TRAPPC9: variants seen among roughly 807,000 people sequenced by gnomAD.
TRAPPC9 encodes IKK2 binding protein.
Under a neutral mutation model 124.0 loss-of-function variants are expected in TRAPPC9, and 83 were observed. The ratio of observed to expected loss-of-function variants is 0.67; its 90% CI spans 0.56 to 0.80. The LOEUF is 0.80. Ranked by LOEUF, TRAPPC9 falls within the 30% of genes least tolerant of loss-of-function variation. The probability of loss-of-function intolerance (pLI) is 0.00; values close to 1 mark genes in which losing one functional copy is unlikely to be tolerated. For synonymous variants in TRAPPC9, 638 were observed against 617.5 expected, an observed-to-expected ratio of 1.03 and a Z score of -0.49; for missense variants, 1,302 against 1,508.3, an observed-to-expected ratio of 0.86 and a Z score of 2.27.
chr8:140,364,391 T>C (rs1010437784), intron 8 of TRAPPC9, among the ~76,000 whole-genome samples: 9 of 150,922 alleles, frequency 6.0e-5, no homozygotes, highest in Non-Finnish European at 8.8e-5. Context: ...CAAGTGCACA[T>C]AGAAATCTAT....
intron 18 of TRAPPC9, among the ~76,000 whole-genome samples, chr8:139,989,797 C>T (rs1017889261): frequency 2.0e-5 from 3 of 152,304 alleles, no homozygotes; most frequent in East Asian, 3.9e-4. Flanking sequence ...CAGCCCCAAA[C>T]GCGCCGTCCG....
intron 21 of TRAPPC9, among the ~76,000 whole-genome samples, chr8:139,780,051 A>C (rs1435656753): frequency 6.6e-6 from 1 of 152,216 alleles, no homozygotes; most frequent in Non-Finnish European, 1.5e-5. Flanking sequence ...TTCTATGTTC[A>C]TGGGTAGAAA....
rs116342062 is a variant in TRAPPC9, at chr8:139,728,758, G to T, written c.*2303C>A. Among the ~76,000 whole-genome samples the T allele has an allele frequency of 4.3e-3, 650 of 152,200 alleles. 6 individuals are homozygous for T. The highest frequency in any genetic ancestry group is 0.014 in the African/African-American group (601 of 41,526). On this transcript the variant is annotated 3_prime_UTR_variant, in exon 23 of 23. Transcript: ENST00000438773. ...TTTGGGTCATTTTCCAGGAGGCCTGGGTTATTTCTAACACCCCCTCCTCCA... is the reference window on the plus strand; with the variant it reads ...TTTGGGTCATTTTCCAGGAGGCCTGTGTTATTTCTAACACCCCCTCCTCCA...
At chr8:140,089,556 C>G (rs1158582396) in intron 17 of TRAPPC9, among the ~76,000 whole-genome samples, 1 of 152,150 alleles carries the variant, frequency 6.6e-6, no homozygotes, top group African/African-American at 2.4e-5. Context: ...AAAGAAAAGC[C>G]TTTCTTTGGG....
intron 19 of TRAPPC9, chr8:139,931,265 C>T (rs1028210489): frequency 1.3e-5 from 2 of 152,250 alleles, no homozygotes; most frequent in African/African-American, 4.8e-5. Context: ...TACACGTAAT[C>T]CTCACCGCAA....
chr8:139,903,483 T>C (rs1192532545), intron 20 of TRAPPC9, among the ~76,000 whole-genome samples: 2 of 152,106 alleles, frequency 1.3e-5, no homozygotes, highest in African/African-American at 4.8e-5. Flanking sequence ...ATCCCTGAAA[T>C]GCTCTCCAAA....
chr8:139,803,543 T>A lies in TRAPPC9; in HGVS notation c.3056-71341A>T, dbSNP rs535788207. Among the ~76,000 whole-genome samples, 19 of 152,354 alleles carry A rather than the reference T, an allele frequency of 1.2e-4. No individual in the cohort carries two copies. In the South Asian group the frequency reaches 3.9e-3, roughly 32 times the overall value. On this transcript the variant is annotated intron_variant, in intron 21 of 22. Coordinates refer to ENST00000438773, the MANE Select transcript of TRAPPC9 (RefSeq NM_001160372.4). ...GGCAGTCAGACCATAAGCCCACAGT[T>A]GGAGGGTGTGCACACACAGACCCCA...
chr8:139,853,370 A>G (rs1411664427), intron 21 of TRAPPC9, among the ~76,000 whole-genome samples: 1 of 152,194 alleles, frequency 6.6e-6, no homozygotes, highest in Non-Finnish European at 1.5e-5. Context: ...GGAAAGAGCC[A>G]GAAACTGTAT....
At chr8:140,323,574 C>T (rs2066656738) in intron 9 of TRAPPC9, among the ~76,000 whole-genome samples, 1 of 152,156 alleles carries the variant, frequency 6.6e-6, no homozygotes, top group African/African-American at 2.4e-5. Flanking sequence ...TGTTGGAAAA[C>T]TGACTGACTG....
At chr8:140,298,379 G>A (rs1294404581) in intron 11 of TRAPPC9, among the ~76,000 whole-genome samples, 6 of 152,196 alleles carry the variant, frequency 3.9e-5, no homozygotes, top group Admixed American at 1.3e-4. Context: ...CTGGCTGGAC[G>A]CAGAGGTCCC....
chr8:140,020,901 T>G (rs1839797961), intron 18 of TRAPPC9, among the ~76,000 whole-genome samples: 1 of 152,240 alleles, frequency 6.6e-6, no homozygotes, highest in Non-Finnish European at 1.5e-5. Flanking sequence ...CCTCTTTTTC[T>G]CTTGAAAGTC....
At chr8:140,055,304 G>C (rs7815916) in intron 17 of TRAPPC9, among the ~76,000 whole-genome samples, 67,525 of 152,054 alleles carry the variant, frequency 0.44, 16,725 homozygotes, top group Middle Eastern at 0.58. Context: ...AAAAGCCTAT[G>C]AGAAAATTCA....
intron 19 of TRAPPC9, among the ~76,000 whole-genome samples, chr8:139,975,539 C>T (rs769445198): frequency 2.0e-5 from 3 of 152,178 alleles, no homozygotes; most frequent in East Asian, 1.9e-4. Context: ...CCCCAAAAGA[C>T]AAAGATCAAG....
intron 16 of TRAPPC9, among the ~76,000 whole-genome samples, chr8:140,243,376 C>G (rs1323468479): frequency 6.6e-6 from 1 of 152,154 alleles, no homozygotes; most frequent in Non-Finnish European, 1.5e-5. Context: ...CTGATGGCCT[C>G]TGTGGATCTT....
chr8:139,773,112 C>T (rs565987793), intron 21 of TRAPPC9, among the ~76,000 whole-genome samples: 11 of 152,362 alleles, frequency 7.2e-5, no homozygotes, highest in South Asian at 2.1e-4. Flanking sequence ...GGCAGGACCA[C>T]GCCTCTGAAG....
chr8:140,099,187 C>G (rs1018155823), intron 17 of TRAPPC9: 9 of 151,738 alleles, frequency 5.9e-5, no homozygotes, highest in African/African-American at 1.5e-4. Context: ...TCCTGCGCAG[C>G]CTTCCGCAGG....
At chr8:140,193,139 C>T (rs1265837575) in intron 17 of TRAPPC9, among the ~76,000 whole-genome samples, 1 of 152,192 alleles carries the variant, frequency 6.6e-6, no homozygotes, top group Non-Finnish European at 1.5e-5. Context: ...TTTCAAACAC[C>T]TCTGCCACAT....
In TRAPPC9 at chr8:140,211,800, T is replaced by C. The variant is rs138279015; in HGVS notation, c.2556+9659A>G. Among the ~76,000 whole-genome samples, 36 of 152,298 alleles carry C rather than the reference T, an allele frequency of 2.4e-4. 1 individual carries two copies. The East Asian group carries it at 6.9e-3, about 29-fold the overall frequency. ...AGAGGGGCTGTCTGGCCTCACTGTC[T>C]GGAATATCCGGGTCAAGAAATGTGT... On this transcript the variant is annotated intron_variant, in intron 17 of 22. Coordinates refer to ENST00000438773, the MANE Select transcript of TRAPPC9 (RefSeq NM_001160372.4).
chr8:140,190,960 C>G (rs1449205802), intron 17 of TRAPPC9, among the ~76,000 whole-genome samples: 1 of 152,138 alleles, frequency 6.6e-6, no homozygotes, highest in Non-Finnish European at 1.5e-5. Flanking sequence ...TTCTCAAGTT[C>G]AGTGTCCAGG....
Sources: allele counts gnomAD v4.1 joint callset (sites outside exome capture counted in the v4.1 genomes callset), GRCh38; gene constraint gnomAD v4.1.1; transcripts MANE v1.5; gene names NCBI Gene and HGNC (gene_info 2026-07-23, HGNC 2026-07-21).